The following SND1 variants were observed in gnomAD, a reference collection of about 807,000 sequenced individuals.
SND1 encodes the protein staphylococcal nuclease and tudor domain containing 1.
SND1 carries 38 observed loss-of-function variants against 121.7 expected under a neutral mutation model. That is an observed-to-expected ratio of 0.31 (90% CI 0.24 to 0.41). The LOEUF is 0.41. Among genes scored for constraint, SND1 ranks in the 10% least tolerant of loss-of-function variants. The pLI, the probability that SND1 is intolerant of heterozygous loss-of-function variation, is 1.00. For missense variants in SND1, 868 were observed against 1,184.6 expected, an observed-to-expected ratio of 0.73 and a Z score of 3.92; for synonymous variants, 401 against 447.4, an observed-to-expected ratio of 0.90 and a Z score of 1.31.
chr7:127,930,769 G>C (rs1249210590), intron 15 of SND1, among the ~76,000 whole-genome samples: 2 of 152,078 alleles, frequency 1.3e-5, no homozygotes, highest in Admixed American at 6.5e-5. Context: ...GAAGTTTCTT[G>C]GTAGTGAACT....
intron 1 of SND1, chr7:127,679,378 A>T (rs1381326790): frequency 6.6e-6 from 1 of 152,202 alleles, no homozygotes; most frequent in South Asian, 2.1e-4. Context: ...GGAAGGCTCT[A>T]TAGTAAAATA....
At chr7:127,903,612 G>A (rs1800277475) in intron 13 of SND1, among the ~76,000 whole-genome samples, 1 of 151,738 alleles carries the variant, frequency 6.6e-6, no homozygotes, top group Non-Finnish European at 1.5e-5. Context: ...AAAAGCCCAA[G>A]TGTGAAAGAA....
Position 128,038,081 on chromosome 7 carries a change from G to C in SND1, c.1780-36421G>C, listed in dbSNP as rs550478964. On this transcript the variant is annotated intron_variant, in intron 16 of 23. Transcript: ENST00000354725. The stretch of plus-strand genomic sequence containing the variant: ...TGGAACTGAGAGCTATGAATAGAGT[G>C]GCTTTTCAGGTATCTGAAACATAAA... Among the ~76,000 whole-genome samples, 27 of 152,284 alleles carry C rather than the reference G, an allele frequency of 1.8e-4. 1 individual carries two copies. In the South Asian group the frequency reaches 3.3e-3, roughly 19 times the overall value.
intron 11 of SND1, among the ~76,000 whole-genome samples, chr7:127,811,308 A>G (rs1374263892): frequency 6.6e-6 from 1 of 152,174 alleles, no homozygotes; most frequent in African/African-American, 2.4e-5. Flanking sequence ...TCTCTTTTCA[A>G]AATCTGTCTT....
At chr7:127,902,130 G>A (rs1370677825) in intron 13 of SND1, among the ~76,000 whole-genome samples, 6 of 152,130 alleles carry the variant, frequency 3.9e-5, no homozygotes, top group Admixed American at 3.3e-4. Flanking sequence ...CTTTTGCCTC[G>A]AGGATCTTTG....
intron 16 of SND1, among the ~76,000 whole-genome samples, chr7:128,002,250 C>T (rs1357964981): frequency 6.6e-6 from 1 of 152,234 alleles, no homozygotes; most frequent in Non-Finnish European, 1.5e-5. Flanking sequence ...CTCGCTACTA[C>T]TACCAGTTGA....
chr7:128,032,595 C>T (rs1792661066), intron 16 of SND1, among the ~76,000 whole-genome samples: 1 of 151,904 alleles, frequency 6.6e-6, no homozygotes, highest in Non-Finnish European at 1.5e-5. Flanking sequence ...AGGGGCCCGG[C>T]GGCCCGCGGC....
chr7:127,717,586 A>C (rs1796412706), intron 9 of SND1, among the ~76,000 whole-genome samples: 1 of 152,102 alleles, frequency 6.6e-6, no homozygotes, highest in African/African-American at 2.4e-5. Flanking sequence ...GGGACTGGGG[A>C]GAAGAGACAT....
intron 14 of SND1, among the ~76,000 whole-genome samples, chr7:127,912,200 A>G (rs914305073): frequency 1.3e-5 from 2 of 152,212 alleles, no homozygotes; most frequent in Non-Finnish European, 2.9e-5. Context: ...AATTTGCCAG[A>G]ACTACAGGGC....
intron 16 of SND1, among the ~76,000 whole-genome samples, chr7:128,062,123 T>G (rs932320568): frequency 2.0e-5 from 3 of 152,266 alleles, no homozygotes; most frequent in Non-Finnish European, 4.4e-5. Context: ...TTTTATTCTG[T>G]GTCCGATCTG....
In SND1 at chr7:127,743,513, C is replaced by A. The variant is rs554767205; in HGVS notation, c.1152+22113C>A. 7.9e-5 allele frequency among the ~76,000 whole-genome samples: 12 copies of A among 152,248 alleles called. No homozygotes were observed. In the South Asian group the frequency reaches 2.5e-3, roughly 32 times the overall value. ...TAGCACTACATTTAAAGGTCACCACCCTCTCTCTCCTTCTCTTCCCTCCTC... is the reference window on the plus strand; with the variant it reads ...TAGCACTACATTTAAAGGTCACCACACTCTCTCTCCTTCTCTTCCCTCCTC... On this transcript the variant is annotated intron_variant, in intron 10 of 23. Coordinates refer to ENST00000354725, the MANE Select transcript of SND1 (RefSeq NM_014390.4).
chr7:127,935,701 C>T (rs1405043708), intron 15 of SND1, among the ~76,000 whole-genome samples: 4 of 152,200 alleles, frequency 2.6e-5, no homozygotes, highest in South Asian at 2.1e-4. Flanking sequence ...TGGGATTGTT[C>T]GCCTGGGCAG....
intron 17 of SND1, among the ~76,000 whole-genome samples, chr7:128,076,026 C>T (rs1793501116): frequency 6.6e-6 from 1 of 152,224 alleles, no homozygotes; most frequent in Admixed American, 6.5e-5. Flanking sequence ...GGTAGAGCGG[C>T]AAGCCCCAGA....
At chr7:127,739,541 G>A (rs963305758) in intron 10 of SND1, among the ~76,000 whole-genome samples, 1 of 152,132 alleles carries the variant, frequency 6.6e-6, no homozygotes, top group Admixed American at 6.5e-5. Flanking sequence ...TAGCTTTAAT[G>A]AAGCCTCTAG....
rs143104510 is a variant in SND1, at chr7:127,906,596, G to A, written c.1527+1777G>A. Reference sequence around the variant, plus strand: ...AATATGCCCATCCAAAAACTTATGTGGGGCCCATACTCCAGGGCCTTCCAG... The same window carrying A: ...AATATGCCCATCCAAAAACTTATGTAGGGCCCATACTCCAGGGCCTTCCAG... On this transcript the variant is annotated intron_variant, in intron 14 of 23. Transcript: ENST00000354725. Among the ~76,000 whole-genome samples the A allele has an allele frequency of 6.8e-3, 1,031 of 152,212 alleles. 8 individuals are homozygous for A. The highest frequency in any genetic ancestry group is 0.02 in the Middle Eastern group (6 of 294).
chr7:127,988,420 C>T (rs914524987), intron 15 of SND1, among the ~76,000 whole-genome samples: 5 of 152,198 alleles, frequency 3.3e-5, no homozygotes, highest in Non-Finnish European at 5.9e-5. Flanking sequence ...GGACTAGCAA[C>T]GTAACAAAGG....
intron 13 of SND1, among the ~76,000 whole-genome samples, chr7:127,890,589 C>G (rs1281510029): frequency 3.9e-5 from 6 of 152,064 alleles, no homozygotes; most frequent in Non-Finnish European, 7.4e-5. Context: ...CACACTGCCA[C>G]CAGTGAATAT....
intron 16 of SND1, among the ~76,000 whole-genome samples, chr7:128,032,533 C>T (rs1411210718): frequency 1.3e-5 from 2 of 151,816 alleles, no homozygotes; most frequent in African/African-American, 4.8e-5. Flanking sequence ...CCGCGCCGGC[C>T]CCCGCCCTCC....
At chr7:127,739,781 G>T (rs1169897997) in intron 10 of SND1, among the ~76,000 whole-genome samples, 2 of 152,182 alleles carry the variant, frequency 1.3e-5, no homozygotes, top group African/African-American at 4.8e-5. Flanking sequence ...TGAGGGTTTA[G>T]TACATGGTTA....
Sources: allele counts gnomAD v4.1 joint callset (sites outside exome capture counted in the v4.1 genomes callset), GRCh38; gene constraint gnomAD v4.1.1; transcripts MANE v1.5; gene names NCBI Gene and HGNC (gene_info 2026-07-23, HGNC 2026-07-21).